The following SLC12A8 variants were observed in gnomAD, a reference collection of about 807,000 sequenced individuals.
SLC12A8 encodes the protein cation-chloride cotransporter 9.
Under a neutral mutation model 75.6 loss-of-function variants are expected in SLC12A8, and 69 were observed. The observed-to-expected ratio is 0.91, with a 90% CI of 0.75 to 1.11. SLC12A8 has a LOEUF of 1.11. SLC12A8 is among the 50% of genes most tolerant of loss of function. The probability of loss-of-function intolerance (pLI) is 0.00; values close to 1 mark genes in which losing one functional copy is unlikely to be tolerated. For missense variants in SLC12A8, 877 were observed against 896.7 expected (o/e 0.98, Z 0.28); for synonymous variants, 365 against 372.8 (o/e 0.98, Z 0.24).
chr3:125,197,574 G>T (rs190096087), intron 2 of SLC12A8, among the ~76,000 whole-genome samples: 3 of 152,308 alleles, frequency 2.0e-5, no homozygotes, highest in Non-Finnish European at 4.4e-5. Flanking sequence ...TTACAGGTGT[G>T]AGCCACCCCA....
intron 5 of SLC12A8, among the ~76,000 whole-genome samples, chr3:125,169,610 C>T (rs1260683693): frequency 2.6e-5 from 4 of 152,084 alleles, no homozygotes; most frequent in Non-Finnish European, 4.4e-5. Context: ...GGCTGCCAGC[C>T]CCTTTGCCCA....
intron 6 of SLC12A8, among the ~76,000 whole-genome samples, chr3:125,121,876 G>A (rs955013021): frequency 5.9e-5 from 9 of 152,164 alleles, no homozygotes; most frequent in Non-Finnish European, 1.0e-4. Flanking sequence ...ATGCTGGCCC[G>A]CGGATGGGGT....
intron 5 of SLC12A8, chr3:125,151,490 G>A (rs1376365666): frequency 1.9e-5 from 3 of 154,222 alleles, no homozygotes; most frequent in African/African-American, 4.8e-5. Flanking sequence ...CAAGCTCAGC[G>A]TGGATTGGTT....
chr3:125,093,369 T>C (rs1415885795), intron 10 of SLC12A8, among the ~76,000 whole-genome samples: 2 of 152,130 alleles, frequency 1.3e-5, no homozygotes, highest in Non-Finnish European at 2.9e-5. Context: ...CTCTTGACTG[T>C]GTCATCTCCT....
chr3:125,118,730 G>A lies in SLC12A8; in HGVS notation c.912+39C>T, dbSNP rs73191221. On this transcript the variant is annotated intron_variant, in intron 8 of 13. Transcript: ENST00000469902. ...TTGGTGAGAACAAATAAATGACTCC[G>A]GCAGACTGAGCCCTTGGAGTAGCGC... The A allele has an allele frequency of 9.4e-3, 14,029 of 1,491,902 alleles. 76 individuals are homozygous for A. The highest frequency in any genetic ancestry group is 0.014 in the South Asian group (1,234 of 87,116). The allele number at this position is 1,491,902 out of a possible 1,614,324, so 92.4% of individuals were successfully genotyped here. A position where few individuals can be genotyped will look rare whatever the true frequency, so the allele number is the denominator to read the frequency against.
chr3:125,154,448 T>C (rs1189016159), intron 5 of SLC12A8, among the ~76,000 whole-genome samples: 1 of 152,178 alleles, frequency 6.6e-6, no homozygotes, highest in Non-Finnish European at 1.5e-5. Flanking sequence ...TTATCTCATC[T>C]TTATCATGGG....
At chr3:125,151,269 A>T (rs1474775528) in intron 5 of SLC12A8, 2 of 153,196 alleles carry the variant, frequency 1.3e-5, no homozygotes, top group Non-Finnish European at 2.9e-5. Flanking sequence ...TGGTGAAGTC[A>T]TTGGCCTCTT....
intron 6 of SLC12A8, among the ~76,000 whole-genome samples, chr3:125,124,610 G>A (rs1028832371): frequency 6.6e-6 from 1 of 152,202 alleles, no homozygotes; most frequent in Non-Finnish European, 1.5e-5. Flanking sequence ...ACAGGCATGA[G>A]CCACCGTGCC....
At chr3:125,162,635 G>C (rs1934199633) in intron 5 of SLC12A8, among the ~76,000 whole-genome samples, 1 of 152,212 alleles carries the variant, frequency 6.6e-6, no homozygotes, top group South Asian at 2.1e-4. Flanking sequence ...GCGGGACATG[G>C]TAATTGGCCT....
intron 6 of SLC12A8, among the ~76,000 whole-genome samples, chr3:125,125,117 A>AT (rs1933165050): frequency 1.9e-5 from 2 of 103,790 alleles, no homozygotes; most frequent in Admixed American, 2.0e-4. Flanking sequence ...TTGGCATTGA[A>AT]CCCTTTTTTT....
chr3:125,108,089 A>G lies in SLC12A8; in HGVS notation c.1097T>C (p.Leu366Pro). 6.2e-7 allele frequency: 1 copy of G among 1,614,174 alleles called. No homozygotes were observed. The highest frequency in any genetic ancestry group is 8.5e-7 in the Non-Finnish European group (1 of 1,180,012). ...AAAGGCCATGGTCACCAAGCTGGTCAGGCAGATGGCAGCCACGGGTGTTTT... is the reference window on the plus strand; with the variant it reads ...AAAGGCCATGGTCACCAAGCTGGTCGGGCAGATGGCAGCCACGGGTGTTTT... ...PNKTPVAAIC[L>P]TSLVTMAFVF... Residue 366 changes from leucine (L) to proline (P), a missense_variant, in exon 10 of 14, where the codon CTG becomes CCG. By Grantham distance (98) the Leu-to-Pro change is moderately conservative. Transcript: ENST00000469902.
intron 10 of SLC12A8, among the ~76,000 whole-genome samples, chr3:125,093,202 T>C (rs1260887310): frequency 6.6e-6 from 1 of 152,248 alleles, no homozygotes; most frequent in African/African-American, 2.4e-5. Flanking sequence ...ATAAATGATA[T>C]GTTGAATTAA....
intron 10 of SLC12A8, among the ~76,000 whole-genome samples, chr3:125,098,057 G>A (rs919966535): frequency 4.8e-4 from 73 of 152,004 alleles, no homozygotes; most frequent in African/African-American, 1.6e-3. Flanking sequence ...AAGCATAAAG[G>A]AGGAAACCCC....
intron 2 of SLC12A8, among the ~76,000 whole-genome samples, chr3:125,197,719 C>A (rs1247139075): frequency 6.6e-6 from 1 of 152,190 alleles, no homozygotes. Flanking sequence ...GTGGCTCTGT[C>A]AAGGGTATCA....
chr3:125,211,127 ATGGCTATAATATTT>A (rs909125321), intron 2 of SLC12A8, among the ~76,000 whole-genome samples, 158 bp downstream of exon 2: 2 of 152,228 alleles, frequency 1.3e-5, no homozygotes, highest in Non-Finnish European at 2.9e-5. Flanking sequence ...ACAGTTAATA[ATGGCTATAATATTT>A]TGGCTATAAT....
chr3:125,187,229 G>C lies in SLC12A8; in HGVS notation c.390+8C>G, dbSNP rs753021237. ...AGGCAGGGGAAGCATCCCGGGCGCA[G>C]GCCTCACCTGTCCAAACACATAGAG... On this transcript the variant is annotated splice_region_variant and intron_variant, in intron 4 of 13. Transcript: ENST00000469902. 6.2e-7 allele frequency: 1 copy of C among 1,612,666 alleles called. No individual in the cohort carries two copies. The highest frequency in any genetic ancestry group is 2.2e-5 in the East Asian group (1 of 44,842).
chr3:125,194,493 G>C (rs1337392510), intron 2 of SLC12A8, among the ~76,000 whole-genome samples: 1 of 152,212 alleles, frequency 6.6e-6, no homozygotes, highest in African/African-American at 2.4e-5. Context: ...ACCTGAGTAG[G>C]AAATACTCTC....
chr3:125,137,530 A>G lies in SLC12A8; in HGVS notation c.623-1748T>C, dbSNP rs538399703. 2.6e-5 allele frequency among the ~76,000 whole-genome samples: 4 copies of G among 152,370 alleles called. No individual in the cohort carries two copies. In the South Asian group the frequency reaches 8.3e-4, roughly 32 times the overall value. ...CCCAGCCTGCCTTGGAACCGAGCTCAGCCAAGCTGGACTAATGTGCAGGTC... is the reference window on the plus strand; with the variant it reads ...CCCAGCCTGCCTTGGAACCGAGCTCGGCCAAGCTGGACTAATGTGCAGGTC... On this transcript the variant is annotated intron_variant, in intron 5 of 13. Transcript: ENST00000469902.
intron 8 of SLC12A8, among the ~76,000 whole-genome samples, chr3:125,112,923 C>T (rs1296306357): frequency 1.6e-4 from 25 of 152,198 alleles, no homozygotes; most frequent in Non-Finnish European, 2.9e-5. Context: ...AACCCCTGGG[C>T]ACAACACATT....
Sources: allele counts gnomAD v4.1 joint callset (sites outside exome capture counted in the v4.1 genomes callset), GRCh38; gene constraint gnomAD v4.1.1; transcripts MANE v1.5; gene names NCBI Gene and HGNC (gene_info 2026-07-23, HGNC 2026-07-21).